The following PTPRG variants were observed in gnomAD, a reference collection of about 807,000 sequenced individuals.
The protein encoded by PTPRG is receptor-type tyrosine-protein phosphatase gamma.
A neutral mutation model predicts 165.3 loss-of-function variants in PTPRG; 102 were observed. The observed-to-expected ratio is 0.62, with a 90% confidence interval of 0.53 to 0.73. The LOEUF is 0.73. Among genes scored for constraint, PTPRG ranks in the 30% least tolerant of loss-of-function variants. The pLI is 0.00. For missense variants in PTPRG, 1,866 were observed against 1,861.4 expected, an observed-to-expected ratio of 1.00 and a Z score of -0.05; for synonymous variants, 675 against 669.5, an observed-to-expected ratio of 1.01 and a Z score of -0.13.
chr3:61,658,314 G>A (rs1212909388), intron 1 of PTPRG, among the ~76,000 whole-genome samples: 1 of 152,162 alleles, frequency 6.6e-6, no homozygotes, highest in African/African-American at 2.4e-5. Flanking sequence ...ATGAGACGGT[G>A]TCCTAGGACA....
chr3:62,192,460 G>T (rs550174868), intron 9 of PTPRG, among the ~76,000 whole-genome samples: 134 of 131,626 alleles, frequency 1.0e-3, no homozygotes, highest in African/African-American at 3.5e-3. Flanking sequence ...CCAGGCTGGA[G>T]TGCAGTGGCG....
chr3:61,680,817 G>A lies in PTPRG; in HGVS notation c.86-68061G>A, dbSNP rs1423473151. 7.1e-5 allele frequency among the ~76,000 whole-genome samples: 6 copies of A among 84,722 alleles called. 2 individuals are homozygous for A. Among genetic ancestry groups the A allele is most frequent in the African/African-American group, 1.4e-4 (4 of 28,078 alleles). The allele number at this position is 84,722 out of a possible 152,430, so 55.6% of individuals were successfully genotyped here. The stretch of plus-strand genomic sequence containing the variant: ...GCAATAACTAGGGTTATTGGCACCC[G>A]GTTGGTGTTTGGTGCCTGCTGTGTA... On this transcript the variant is annotated intron_variant, in intron 1 of 29. Transcript: ENST00000474889.
intron 2 of PTPRG, among the ~76,000 whole-genome samples, chr3:61,829,857 C>T (rs1370232263): frequency 3.3e-5 from 5 of 152,108 alleles, no homozygotes; most frequent in South Asian, 4.1e-4. Flanking sequence ...GGAGACAGAG[C>T]GCCTGTGTAT....
chr3:61,643,797 C>T (rs1702127181), intron 1 of PTPRG, among the ~76,000 whole-genome samples: 1 of 151,898 alleles, frequency 6.6e-6, no homozygotes, highest in Admixed American at 6.6e-5. Context: ...CACTGTAACA[C>T]AGTGAATGTA....
intron 9 of PTPRG, among the ~76,000 whole-genome samples, chr3:62,192,013 A>C (rs1322707486): frequency 6.6e-6 from 1 of 152,224 alleles, no homozygotes; most frequent in Non-Finnish European, 1.5e-5. Flanking sequence ...GCAAGTATTC[A>C]ACAGGTCCTA....
intron 16 of PTPRG, among the ~76,000 whole-genome samples, chr3:62,258,760 C>A (rs951950307): frequency 6.6e-6 from 1 of 152,176 alleles, no homozygotes; most frequent in Non-Finnish European, 1.5e-5. Flanking sequence ...CAGTCCTTTT[C>A]TTGTGATAGC....
At chr3:62,135,583 G>A (rs1217071531) in intron 6 of PTPRG, among the ~76,000 whole-genome samples, 1 of 152,106 alleles carries the variant, frequency 6.6e-6, no homozygotes, top group Admixed American at 6.5e-5. Context: ...GAAATGTGAA[G>A]GAATAACCTG....
rs1016207117 is a variant in PTPRG at position 62,222,520 on chromosome 3, CG to C, written c.2288+3539del. On this transcript the variant is annotated intron_variant, in intron 13 of 29. Transcript: ENST00000474889. This position sits in a 1 kb window ranked among gnomAD's most constrained non-coding sequence, Gnocchi z 4.5. ...TGACTTCTGTCATTTGTCCATACCCCGGAGTCGTCTGGTGGCCAAAAGGATG... is the reference window on the plus strand; with the variant it reads ...TGACTTCTGTCATTTGTCCATACCCCGAGTCGTCTGGTGGCCAAAAGGATG... Among the ~76,000 whole-genome samples the C allele has an allele frequency of 2.0e-5, 3 of 152,192 alleles. No individual in the cohort carries two copies. Among genetic ancestry groups the C allele is most frequent in the Admixed American group, 6.5e-5 (1 of 15,288 alleles).
intron 5 of PTPRG, among the ~76,000 whole-genome samples, chr3:62,117,305 T>C (rs1023697753): frequency 3.9e-5 from 6 of 152,244 alleles, no homozygotes; most frequent in African/African-American, 1.2e-4. Flanking sequence ...TTGAATTCTG[T>C]ATATTGTTCT....
At position 62,237,439 on chromosome 3, in the gene PTPRG, C is replaced by G. The variant is rs1701059384; in HGVS notation, c.2375+6128C>G. ...TAGTCAAGAAGGCCAATTAAACATACTGGAACCTGTCATGTGCTGGCAGTG... is the reference window on the plus strand; with the variant it reads ...TAGTCAAGAAGGCCAATTAAACATAGTGGAACCTGTCATGTGCTGGCAGTG... On this transcript the variant is annotated intron_variant, in intron 14 of 29. Transcript: ENST00000474889. The surrounding 1 kb of genome is among the most constrained non-coding windows in gnomAD (Gnocchi z 4.5). Among the ~76,000 whole-genome samples the G allele has an allele frequency of 6.6e-6, 1 of 152,122 alleles. No individual in the cohort carries two copies. The highest frequency in any genetic ancestry group is 2.4e-5 in the African/African-American group (1 of 41,434).
chr3:62,190,527 G>A lies in PTPRG; in HGVS notation c.1034-942G>A, dbSNP rs1015535148. ...GTCTGTAAATAGATTTAGATCCACC[G>A]TGTCCCTTAAACCTCTCAGCCCCAA... On this transcript the variant is annotated intron_variant, in intron 8 of 29. Transcript: ENST00000474889. This position sits in a 1 kb window ranked among gnomAD's most constrained non-coding sequence, Gnocchi z 5.2. 1.3e-5 allele frequency among the ~76,000 whole-genome samples: 2 copies of A among 152,086 alleles called. No individual in the cohort carries two copies. Among genetic ancestry groups the A allele is most frequent in the Non-Finnish European group, 1.5e-5 (1 of 68,004 alleles).
At chr3:62,266,220 T>C (rs1384898314) in intron 17 of PTPRG, among the ~76,000 whole-genome samples, 1 of 152,156 alleles carries the variant, frequency 6.6e-6, no homozygotes, top group Non-Finnish European at 1.5e-5. Context: ...TCTGGGCACA[T>C]TGCCTGCCTT....
intron 1 of PTPRG, among the ~76,000 whole-genome samples, chr3:61,728,402 C>T (rs1025438080): frequency 6.6e-6 from 1 of 152,098 alleles, no homozygotes; most frequent in African/African-American, 2.4e-5. Context: ...GTCAACATAG[C>T]AAGACCCCTT....
chr3:61,565,267 T>C (rs761793339), intron 1 of PTPRG, among the ~76,000 whole-genome samples: 2 of 152,204 alleles, frequency 1.3e-5, no homozygotes, highest in East Asian at 3.8e-4. Flanking sequence ...GGGTTAATAA[T>C]GCTTCAAGTG....
At chr3:61,839,733 G>A (rs114692784) in intron 2 of PTPRG, among the ~76,000 whole-genome samples, 372 of 152,182 alleles carry the variant, frequency 2.4e-3, no homozygotes, top group African/African-American at 8.7e-3. Flanking sequence ...AAATAAAATC[G>A]CAATTAATTA....
intron 9 of PTPRG, among the ~76,000 whole-genome samples, chr3:62,193,982 A>C (rs1699900242): frequency 1.3e-5 from 2 of 152,180 alleles, no homozygotes; most frequent in South Asian, 4.1e-4. Flanking sequence ...TCTCGTTTTT[A>C]AAGGCTGTCA....
intron 1 of PTPRG, among the ~76,000 whole-genome samples, chr3:61,708,617 G>A (rs1050458155): frequency 1.3e-5 from 2 of 151,734 alleles, no homozygotes; most frequent in Non-Finnish European, 1.5e-5. Context: ...ACCACGCCCA[G>A]CTAATTTTTT....
At chr3:62,262,989 CAAGA>C (rs1388198052) in intron 17 of PTPRG, 95 bp downstream of exon 17, 2 of 870,776 alleles carry the variant, frequency 2.3e-6, no homozygotes, top group Non-Finnish European at 3.6e-6. Context: ...AGCAGGATGC[CAAGA>C]AAGAATGATT....
At chr3:61,852,254 C>T (rs1443326709) in intron 2 of PTPRG, among the ~76,000 whole-genome samples, 2 of 152,152 alleles carry the variant, frequency 1.3e-5, no homozygotes, top group Admixed American at 1.3e-4. Flanking sequence ...GTTTGCTGTG[C>T]TTTCCAAGAA....
Sources: gnomAD v4.1 joint callset for allele counts (sites outside exome capture counted in the v4.1 genomes callset) on GRCh38, gnomAD v4.1.1 for gene constraint, Gnocchi (gnomAD v3.1) non-coding constraint, MANE v1.5 for transcripts, NCBI Gene and HGNC (gene_info 2026-07-23, HGNC 2026-07-21) for gene names.